The following SUGCT variants were observed in gnomAD, a reference collection of about 807,000 sequenced individuals.
SUGCT encodes the protein succinyl-CoA:glutarate CoA-transferase.
SUGCT carries 41 observed loss-of-function variants against 55.0 expected under a neutral mutation model. The ratio of observed to expected loss-of-function variants is 0.74; its 90% CI spans 0.58 to 0.97. The LOEUF is 0.97. Among genes scored for constraint, SUGCT ranks in the 50% least tolerant of loss-of-function variants. The pLI is 0.00. For synonymous variants in SUGCT, 187 were observed against 200.4 expected, an observed-to-expected ratio of 0.93 and a Z score of 0.56; for missense variants, 568 against 547.8, an observed-to-expected ratio of 1.04 and a Z score of -0.37.
At chr7:40,362,099 A>G (rs1473012120) in intron 9 of SUGCT, among the ~76,000 whole-genome samples, 1 of 152,104 alleles carries the variant, frequency 6.6e-6, no homozygotes, top group East Asian at 1.9e-4. Context: ...GTGTGGCTGC[A>G]TCACCTTCTT....
At chr7:40,337,616 T>C (rs984962955) in intron 9 of SUGCT, among the ~76,000 whole-genome samples, 1 of 152,214 alleles carries the variant, frequency 6.6e-6, no homozygotes, top group African/African-American at 2.4e-5. Context: ...TCATCCTCCA[T>C]CCCTTTGTTT....
At chr7:40,956,423 T>C in the SUGCT span, among the ~76,000 whole-genome samples, 1 of 152,228 alleles carries the variant, frequency 6.6e-6, no homozygotes, top group Non-Finnish European at 1.5e-5. Context: ...GTAGAGGTGT[T>C]TATAGTATTC....
intron 13 of SUGCT, among the ~76,000 whole-genome samples, chr7:40,753,372 CT>C (rs1309930886): frequency 1.3e-5 from 2 of 152,158 alleles, no homozygotes; most frequent in East Asian, 3.9e-4. Flanking sequence ...TTAAAGGTGA[CT>C]TTTGCTACAC....
At chr7:40,413,174 C>T (rs1296052795) in intron 9 of SUGCT, among the ~76,000 whole-genome samples, 1 of 152,136 alleles carries the variant, frequency 6.6e-6, no homozygotes, top group African/African-American at 2.4e-5. Flanking sequence ...AGTGACCAAG[C>T]AATTTGGAGA....
At chr7:40,139,339 G>T (rs993123054) in intron 1 of SUGCT, among the ~76,000 whole-genome samples, 6 of 152,122 alleles carry the variant, frequency 3.9e-5, no homozygotes, top group Non-Finnish European at 7.4e-5. Context: ...TGGGACTACA[G>T]GTGTGTGCCA....
At chr7:40,281,829 G>GT (rs1171468163) in intron 8 of SUGCT, among the ~76,000 whole-genome samples, 9 of 75,424 alleles carry the variant, frequency 1.2e-4, no homozygotes, top group Non-Finnish European at 9.1e-5. Context: ...TGTTTTAGAT[G>GT]TTTTTTTGGA....
chr7:40,642,674 A>C (rs1256777957), intron 12 of SUGCT, among the ~76,000 whole-genome samples: 1 of 152,244 alleles, frequency 6.6e-6, no homozygotes, highest in Non-Finnish European at 1.5e-5. Flanking sequence ...TACAGGTTGA[A>C]ACATATTAAA....
chr7:40,452,353 G>A (rs1789237121), intron 10 of SUGCT, among the ~76,000 whole-genome samples: 1 of 152,184 alleles, frequency 6.6e-6, no homozygotes, highest in South Asian at 2.1e-4. Flanking sequence ...CCTTTTGAAA[G>A]TAATGTAGAC....
At chr7:40,303,239 G>T (rs1055863297) in intron 8 of SUGCT, among the ~76,000 whole-genome samples, 2 of 151,924 alleles carry the variant, frequency 1.3e-5, no homozygotes, top group African/African-American at 4.8e-5. Context: ...TCATCATGTT[G>T]ACCAGGCTGG....
chr7:40,409,796 T>C (rs1786573871), intron 9 of SUGCT, among the ~76,000 whole-genome samples: 1 of 151,524 alleles, frequency 6.6e-6, no homozygotes, highest in Admixed American at 6.6e-5. Context: ...TTGGAGAAAA[T>C]TTTGAGGGAA....
At chr7:40,217,572 G>A (rs769186124) in intron 6 of SUGCT, 60 of 299,758 alleles carry the variant, frequency 2.0e-4, no homozygotes, top group Non-Finnish European at 3.8e-4. Flanking sequence ...AGGTATCAAA[G>A]CATCCCAGCA....
At chr7:40,854,602 A>T (rs1355996409) in intron 13 of SUGCT, among the ~76,000 whole-genome samples, 1 of 151,876 alleles carries the variant, frequency 6.6e-6, no homozygotes, top group East Asian at 1.9e-4. Context: ...TTCATATTTG[A>T]TTAATCATTT....
At chr7:40,340,393 C>T (rs1259786941) in intron 9 of SUGCT, among the ~76,000 whole-genome samples, 1 of 151,972 alleles carries the variant, frequency 6.6e-6, no homozygotes, top group Non-Finnish European at 1.5e-5. Flanking sequence ...AACCCTATCA[C>T]ATTATTCCTC....
At chr7:40,434,813 A>AT (rs1300250471) in intron 9 of SUGCT, among the ~76,000 whole-genome samples, 2 of 151,738 alleles carry the variant, frequency 1.3e-5, no homozygotes, top group East Asian at 3.9e-4. Flanking sequence ...CTTTTCCATC[A>AT]TTTTTTTCAG....
chr7:40,423,856 G>T (rs764939881), intron 9 of SUGCT, among the ~76,000 whole-genome samples: 6 of 151,984 alleles, frequency 3.9e-5, no homozygotes, highest in South Asian at 2.1e-4. Flanking sequence ...TGGAATTAAG[G>T]TTTATCATAA....
At chr7:40,950,762 T>C in the SUGCT span, among the ~76,000 whole-genome samples, 1 of 152,228 alleles carries the variant, frequency 6.6e-6, no homozygotes, top group Non-Finnish European at 1.5e-5. Context: ...ATTACGTTTA[T>C]TGATTTGCGT....
the SUGCT span, among the ~76,000 whole-genome samples, chr7:41,021,972 C>T: frequency 1.6e-5 from 2 of 125,144 alleles, no homozygotes; most frequent in Non-Finnish European, 3.7e-5. Flanking sequence ...TCTTAGGCAG[C>T]CTAAAATATA....
chr7:40,737,983 C>T (rs980688291), intron 12 of SUGCT, among the ~76,000 whole-genome samples: 3 of 151,292 alleles, frequency 2.0e-5, no homozygotes, highest in African/African-American at 7.3e-5. Context: ...GCGCAGATCA[C>T]GAGGTCAGGA....
At chr7:40,478,560 T>C (rs1024995123) in intron 11 of SUGCT, among the ~76,000 whole-genome samples, 18 of 152,162 alleles carry the variant, frequency 1.2e-4, no homozygotes, top group African/African-American at 4.3e-4. Flanking sequence ...ATAAATATTG[T>C]ATATATTTAA....
Sources: allele counts gnomAD v4.1 joint callset (sites outside exome capture counted in the v4.1 genomes callset), GRCh38; gene constraint gnomAD v4.1.1; transcripts MANE v1.5; gene names NCBI Gene and HGNC (gene_info 2026-07-23, HGNC 2026-07-21).